The following NEK10 variants were observed in gnomAD, a reference collection of about 807,000 sequenced individuals.
NEK10 encodes NIMA related kinase 10.
Under a neutral mutation model 159.8 loss-of-function variants are expected in NEK10, and 122 were observed. That is an observed-to-expected ratio of 0.76 (90% confidence interval 0.66 to 0.89). The LOEUF (loss-of-function observed/expected upper bound fraction) is 0.89. Among genes scored for constraint, NEK10 ranks in the 40% least tolerant of loss-of-function variants. NEK10 has a pLI of 0.00. For missense variants in NEK10, 1,342 were observed against 1,323.1 expected (o/e 1.01, Z -0.22); for synonymous variants, 466 against 457.1 (o/e 1.02, Z -0.25).
In NEK10 at chr3:27,295,611, A is replaced by T; in HGVS notation, c.1308+2T>A. 1 of 1,559,282 alleles carries T rather than the reference A, an allele frequency of 6.4e-7. No homozygotes were observed. The highest frequency in any genetic ancestry group is 8.7e-7 in the Non-Finnish European group (1 of 1,149,300). ...CTGAAGGACAAGAGACATGTTTATT[A>T]CCTGTAATAGATTACTTTTTGCTGC... On this transcript the variant is annotated splice_donor_variant, in intron 15 of 35. Coordinates refer to ENST00000691995, the MANE Select transcript of NEK10 (RefSeq NM_001394966.1). LOFTEE classifies it high-confidence loss of function.
intron 25 of NEK10, among the ~76,000 whole-genome samples, chr3:27,197,796 C>CTT (rs35835923): frequency 5.4e-4 from 79 of 146,208 alleles, no homozygotes; most frequent in Non-Finnish European, 1.0e-3. Flanking sequence ...TACTTTCTTT[C>CTT]TTTTTTTTTT....
chr3:27,192,326 C>T, intron 25 of NEK10, 84 bp from the exon 26 acceptor site: 1 of 938,276 alleles, frequency 1.1e-6, no homozygotes, highest in Non-Finnish European at 1.7e-6. Context: ...TTAAACTCCA[C>T]TGTGTGTCCA....
chr3:27,280,937 G>GTGTGTC (rs147002099), intron 22 of NEK10, among the ~76,000 whole-genome samples: 3 of 149,492 alleles, frequency 2.0e-5, no homozygotes, highest in African/African-American at 7.4e-5. Context: ...GTGTGTGTGT[G>GTGTGTC]TATATGTATA....
chr3:27,192,143 G>A lies in NEK10; in HGVS notation c.2391C>T (p.Ser797=). The change falls in exon 26 of 36, where the codon TCC becomes TCT. Residue 797 remains serine, a synonymous_variant. Transcript: ENST00000691995. The part of the protein sequence containing the change: ...MMKYLDNLST[S]QLSLEKKLER... ...CTAGCTTCTTTTCCAAGGACAACTGGGATGTAGATAAGTTGTCTAAATATT... is the reference window on the plus strand; with the variant it reads ...CTAGCTTCTTTTCCAAGGACAACTGAGATGTAGATAAGTTGTCTAAATATT... The A allele has an allele frequency of 6.2e-7, 1 of 1,613,892 alleles. No homozygotes were observed. Among genetic ancestry groups the A allele is most frequent in the South Asian group, 1.1e-5 (1 of 91,062 alleles).
At chr3:27,162,445 A>C in intron 30 of NEK10, 2 of 1,613,150 alleles carry the variant, frequency 1.2e-6, no homozygotes, top group Non-Finnish European at 1.7e-6. Flanking sequence ...CATCAATGTG[A>C]TCTAGTAAGT....
At chr3:27,171,727 G>T in intron 29 of NEK10, 92 bp downstream of exon 29, 1 of 1,351,598 alleles carries the variant, frequency 7.4e-7, no homozygotes, top group Non-Finnish European at 1.0e-6. Context: ...CAGGCACATG[G>T]AAACTTCTGG....
At position 27,346,165 on chromosome 3, in the gene NEK10, G is replaced by T; in HGVS notation, c.184C>A (p.Pro62Thr). 6.2e-7 allele frequency: 1 copy of T among 1,613,656 alleles called. No homozygotes were observed. The highest frequency in any genetic ancestry group is 1.3e-5 in the African/African-American group (1 of 75,040). Residue 62 changes from proline to threonine, a missense_variant, in exon 4 of 36, where the codon CCC becomes ACC. By Grantham distance (38) the Pro-to-Thr change is conservative. Transcript: ENST00000691995. Reference sequence around the variant, plus strand: ...CTGTGTCCACCCGCCCTGATGGCGGGCTCAGACTTCGTCATGCTATTTTGG... The same window carrying T: ...CTGTGTCCACCCGCCCTGATGGCGGTCTCAGACTTCGTCATGCTATTTTGG... The part of the protein sequence containing the change: ...SAQNSMTKSE[P>T]AIRAGGHRAR...
intron 5 of NEK10, among the ~76,000 whole-genome samples, chr3:27,322,539 C>T (rs1353251557): frequency 2.6e-5 from 4 of 152,104 alleles, no homozygotes; most frequent in Non-Finnish European, 4.4e-5. Flanking sequence ...TAAGATCAAA[C>T]GAAAGAGCTA....
At chr3:27,234,616 A>C (rs564706207) in intron 23 of NEK10, among the ~76,000 whole-genome samples, 1 of 152,206 alleles carries the variant, frequency 6.6e-6, no homozygotes, top group Non-Finnish European at 1.5e-5. Flanking sequence ...ATCAGAAAGG[A>C]CACAAACAAA....
chr3:27,111,218 G>T lies in NEK10; in HGVS notation c.*54C>A, dbSNP rs1431614713. Reference sequence around the variant, plus strand: ...TGGGCATCTTGCAATAGCGGCTGAAGTCCAGAACTTGAACTTCACTGAGAA... The same window carrying T: ...TGGGCATCTTGCAATAGCGGCTGAATTCCAGAACTTGAACTTCACTGAGAA... On this transcript the variant is annotated 3_prime_UTR_variant, in exon 36 of 36. Coordinates refer to ENST00000691995, the MANE Select transcript of NEK10 (RefSeq NM_001394966.1). The T allele has an allele frequency of 5.8e-6, 9 of 1,541,882 alleles. No individual in the cohort carries two copies. Among genetic ancestry groups the T allele is most frequent in the Non-Finnish European group, 8.1e-6 (9 of 1,117,906 alleles).
chr3:27,220,207 T>C (rs993446006), intron 23 of NEK10, among the ~76,000 whole-genome samples: 16 of 152,222 alleles, frequency 1.1e-4, no homozygotes, highest in Admixed American at 6.5e-4. Flanking sequence ...ACACATCTTA[T>C]AGTCCTGAAT....
chr3:27,308,086 G>C (rs1373626004), intron 10 of NEK10, 141 bp from the exon 11 acceptor site: 2 of 565,604 alleles, frequency 3.5e-6, no homozygotes, highest in Non-Finnish European at 6.2e-6. Context: ...TCACAGTTCA[G>C]CATGGCTAGG....
At chr3:27,244,568 G>T (rs771393379) in intron 23 of NEK10, among the ~76,000 whole-genome samples, 4 of 152,180 alleles carry the variant, frequency 2.6e-5, no homozygotes, top group Non-Finnish European at 4.4e-5. Flanking sequence ...GCCACGAGTA[G>T]GCAGTATAGG....
In NEK10 at chr3:27,331,262, A is replaced by AAAAAAAAAAAAAAAAAAC; in HGVS notation, c.363-9002_363-9001insGTTTTTTTTTTTTTTTTT. Among the ~76,000 whole-genome samples, 194 of 110,062 alleles carry AAAAAAAAAAAAAAAAAAC rather than the reference A, an allele frequency of 1.8e-3. 42 individuals are homozygous for AAAAAAAAAAAAAAAAAAC. Among genetic ancestry groups the AAAAAAAAAAAAAAAAAAC allele is most frequent in the Non-Finnish European group, 2.6e-3 (135 of 51,014 alleles). 72.2% of individuals were successfully genotyped at this position (110,062 alleles called of 152,430 possible). On this transcript the variant is annotated intron_variant, in intron 5 of 35. Coordinates refer to ENST00000691995, the MANE Select transcript of NEK10 (RefSeq NM_001394966.1). ...CAAAAAAAAAAAAACAAAAAAAAAAAACACACAAACCTAAGACTTTTGAGG... is the reference window on the plus strand; with the variant it reads ...CAAAAAAAAAAAAACAAAAAAAAAAAAAAAAAAAAAAAAAAAACACACACAAACCTAAGACTTTTGAGG...
chr3:27,275,968 G>A (rs754646861), intron 22 of NEK10, among the ~76,000 whole-genome samples: 12 of 151,972 alleles, frequency 7.9e-5, no homozygotes, highest in African/African-American at 1.9e-4. Context: ...GCCCATGTGC[G>A]CATGCAATTT....
intron 23 of NEK10, among the ~76,000 whole-genome samples, chr3:27,217,320 A>G (rs925413322): frequency 2.0e-5 from 3 of 152,190 alleles, no homozygotes; most frequent in Non-Finnish European, 4.4e-5. Flanking sequence ...TAAAGAAAAA[A>G]GTTTTAAGTG....
chr3:27,304,197 A>C (rs2044055140), intron 12 of NEK10, among the ~76,000 whole-genome samples: 1 of 152,228 alleles, frequency 6.6e-6, no homozygotes, highest in Non-Finnish European at 1.5e-5. Context: ...ATTAGAGAGA[A>C]AAGTAGAGAA....
At chr3:27,224,494 G>A (rs1952427206) in intron 23 of NEK10, among the ~76,000 whole-genome samples, 1 of 151,986 alleles carries the variant, frequency 6.6e-6, no homozygotes, top group African/African-American at 2.4e-5. Context: ...GACAGGAAAT[G>A]AATTATTCTT....
At chr3:27,237,058 T>C (rs1954004347) in intron 23 of NEK10, among the ~76,000 whole-genome samples, 1 of 152,134 alleles carries the variant, frequency 6.6e-6, no homozygotes, top group South Asian at 2.1e-4. Context: ...TAATTATTAA[T>C]ATTCCTTGCC....
Sources: allele counts gnomAD v4.1 joint callset (sites outside exome capture counted in the v4.1 genomes callset), GRCh38; gene constraint gnomAD v4.1.1; transcripts MANE v1.5; gene names NCBI Gene and HGNC (gene_info 2026-07-23, HGNC 2026-07-21).